Variants in P2RY12 observed in about 807,000 individuals in gnomAD.
P2RY12 encodes P2Y purinoceptor 12.
A neutral mutation model predicts 4.5 loss-of-function variants in P2RY12; 3 were observed. The ratio of observed to expected loss-of-function variants is 0.67; its 90% CI spans 0.31 to 1.74. P2RY12 has a LOEUF of 1.74. Ranked by LOEUF, P2RY12 falls within the 40% of genes most tolerant of loss-of-function variation. The pLI, the probability that P2RY12 is intolerant of heterozygous loss-of-function variation, is 0.09. For synonymous variants in P2RY12, 148 were observed against 154.1 expected, an observed-to-expected ratio of 0.96 and a Z score of 0.29; for missense variants, 356 against 407.8, an observed-to-expected ratio of 0.87 and a Z score of 1.09.
intron 1 of P2RY12, chr3:151,367,905 GA>G (rs1755485038): frequency 3.9e-6 from 4 of 1,029,772 alleles, no homozygotes; most frequent in Non-Finnish European, 5.7e-6. Context: ...AGATATGGTA[GA>G]ATTTTAATAG....
At chr3:151,372,819 G>C (rs1577480742) in intron 1 of P2RY12, 7 of 1,419,376 alleles carry the variant, frequency 4.9e-6, no homozygotes, top group South Asian at 1.2e-5. Context: ...TTCTTTTGGA[G>C]AGAGCTACTT....
At chr3:151,367,792 T>A in intron 1 of P2RY12, 1 of 1,581,806 alleles carries the variant, frequency 6.3e-7, no homozygotes, top group East Asian at 2.3e-5. Flanking sequence ...TGAACATCCG[T>A]TGCTCTTTGA....
At chr3:151,370,957 G>A (rs1340717020) in intron 1 of P2RY12, among the ~76,000 whole-genome samples, 1 of 152,164 alleles carries the variant, frequency 6.6e-6, no homozygotes, top group African/African-American at 2.4e-5. Flanking sequence ...AAGAAGTCAG[G>A]ATCAGGTCAG....
intron 1 of P2RY12, among the ~76,000 whole-genome samples, chr3:151,344,203 A>G (rs1272100116): frequency 2.0e-5 from 3 of 152,082 alleles, no homozygotes; most frequent in East Asian, 1.9e-4. Context: ...ACTGTGGACT[A>G]TAAGCTGTGT....
chr3:151,344,277 A>G (rs1752261734), intron 1 of P2RY12, among the ~76,000 whole-genome samples: 1 of 147,146 alleles, frequency 6.8e-6, no homozygotes, highest in Non-Finnish European at 1.5e-5. Context: ...TTTACAGAAA[A>G]TATACTCTAT....
chr3:151,356,583 T>C (rs1753950328), intron 1 of P2RY12, among the ~76,000 whole-genome samples: 1 of 152,150 alleles, frequency 6.6e-6, no homozygotes, highest in South Asian at 2.1e-4. Flanking sequence ...TGCCAAAATA[T>C]ATACCATTTA....
intron 1 of P2RY12, chr3:151,350,273 A>G: frequency 6.6e-7 from 1 of 1,518,340 alleles, no homozygotes; most frequent in East Asian, 2.3e-5. Flanking sequence ...CACAGTCTTT[A>G]TCAAAGTGTT....
At chr3:151,368,265 AG>A (rs1755532855) in intron 1 of P2RY12, 1 of 1,605,574 alleles carries the variant, frequency 6.2e-7, no homozygotes, top group Non-Finnish European at 8.5e-7. Context: ...AGCTGACTGC[AG>A]AAAAATCTGA....
intron 1 of P2RY12, among the ~76,000 whole-genome samples, chr3:151,383,021 G>A (rs1712678547): frequency 1.3e-5 from 2 of 152,128 alleles, no homozygotes; most frequent in Non-Finnish European, 2.9e-5. Flanking sequence ...TTCAGTTTGT[G>A]CTAAGAATAA....
intron 1 of P2RY12, among the ~76,000 whole-genome samples, chr3:151,374,049 A>G (rs901469947): frequency 2.6e-5 from 4 of 151,980 alleles, no homozygotes; most frequent in South Asian, 4.2e-4. Context: ...CAACCCCACA[A>G]AGTTGTTCTG....
At position 151,338,816 on chromosome 3, in the gene P2RY12, C is replaced by A. The variant is rs369115073; in HGVS notation, c.30G>T (p.Ala10=). Residue 10 remains alanine (A), a synonymous_variant, in exon 3 of 3, where the codon GCG becomes GCT. Transcript: ENST00000302632. The part of the protein sequence containing the change: MQAVDNLTS[A]PGNTSLCTRD... ...TGGTGCACAGACTGGTGTTACCAGG[C>A]GCAGAGGTGAGGTTGTCGACGGCTT... is the stretch of plus-strand genomic sequence containing the variant. The A allele has an allele frequency of 1.2e-6, 2 of 1,613,702 alleles. No homozygotes were observed.
intron 1 of P2RY12, chr3:151,382,684 A>G (rs964218651): frequency 8.7e-6 from 14 of 1,612,246 alleles, no homozygotes; most frequent in Non-Finnish European, 1.2e-5. Flanking sequence ...GAAGAACGAT[A>G]CCAAGATGAC....
chr3:151,353,026 C>T (rs186815108), intron 1 of P2RY12, among the ~76,000 whole-genome samples: 2 of 152,102 alleles, frequency 1.3e-5, no homozygotes, highest in Non-Finnish European at 2.9e-5. Flanking sequence ...TTACATTTTG[C>T]TGTTAAAATG....
chr3:151,377,082 ATTC>A, intron 1 of P2RY12: 1 of 1,614,086 alleles, frequency 6.2e-7, no homozygotes, highest in Non-Finnish European at 8.5e-7. Context: ...GACCTAAATA[ATTC>A]TTCTAATTCT....
At chr3:151,369,679 A>G in intron 1 of P2RY12, 4 of 582,608 alleles carry the variant, frequency 6.9e-6, no homozygotes, top group Non-Finnish European at 1.2e-5. Flanking sequence ...TCTCCTGGAA[A>G]AATTAGTGGT....
chr3:151,366,815 A>G (rs1345705754), intron 1 of P2RY12, among the ~76,000 whole-genome samples: 1 of 152,180 alleles, frequency 6.6e-6, no homozygotes, highest in Non-Finnish European at 1.5e-5. Flanking sequence ...TTTTCTGGAC[A>G]GAAGAGACTT....
chr3:151,377,265 G>C, intron 1 of P2RY12: 1 of 1,071,008 alleles, frequency 9.3e-7, no homozygotes, highest in East Asian at 2.5e-5. Flanking sequence ...TTTTCTTTAA[G>C]TCATAGGAAT....
chr3:151,352,885 CAA>C (rs1455641066), intron 1 of P2RY12, among the ~76,000 whole-genome samples: 1 of 151,736 alleles, frequency 6.6e-6, no homozygotes, highest in Admixed American at 6.6e-5. Context: ...AATTAAGCAA[CAA>C]AAGAGCAATA....
rs758470971 is a variant in P2RY12 at position 151,377,141 on chromosome 3, A to G, written c.-180+7551T>C. ...AAACAGTATTGGAAGTGCTGATACA[A>G]GTAGCACGAGACAGAATGGAATAAA... On this transcript the variant is annotated intron_variant, in intron 1 of 2. Coordinates refer to ENST00000302632, the MANE Select transcript of P2RY12 (RefSeq NM_022788.5). 8 of 1,613,804 alleles carry G rather than the reference A, an allele frequency of 5.0e-6. No individual in the cohort carries two copies. In the African/African-American group the frequency reaches 9.3e-5, roughly 19 times the overall value.
Sources: gnomAD v4.1 joint callset for allele counts (sites outside exome capture counted in the v4.1 genomes callset) on GRCh38, gnomAD v4.1.1 for gene constraint, MANE v1.5 for transcripts, NCBI Gene and HGNC (gene_info 2026-07-23, HGNC 2026-07-21) for gene names.